KMT2E: variants seen among roughly 807,000 people sequenced by gnomAD.
KMT2E encodes lysine methyltransferase 2E (inactive), also known as histone reader KMT2E.
KMT2E carries 30 observed loss-of-function variants against 184.6 expected under a neutral mutation model. The ratio of observed to expected loss-of-function variants is 0.16; its 90% CI spans 0.12 to 0.22. The LOEUF (loss-of-function observed/expected upper bound fraction) is 0.22. Ranked by LOEUF, KMT2E falls within the 10% of genes least tolerant of loss-of-function variation. The pLI, the probability that KMT2E is intolerant of heterozygous loss-of-function variation, is 1.00. For missense variants in KMT2E, 2,023 were observed against 2,237.4 expected, an observed-to-expected ratio of 0.90 and a Z score of 1.93; for synonymous variants, 815 against 776.5, an observed-to-expected ratio of 1.05 and a Z score of -0.82.
At chr7:105,027,074 C>CTTTTTTT (rs34930855) in intron 1 of KMT2E, among the ~76,000 whole-genome samples, 6 of 81,908 alleles carry the variant, frequency 7.3e-5, no homozygotes, top group Non-Finnish European at 1.4e-4. Flanking sequence ...GCCCCGCCCT[C>CTTTTTTT]TTTTTTTTTT....
chr7:105,075,946 ACACTT>A (rs1388058048), intron 8 of KMT2E, 92 bp from the exon 9 acceptor site: 1 of 913,150 alleles, frequency 1.1e-6, no homozygotes, highest in Non-Finnish European at 1.7e-6. Context: ...TTTTGTTATG[ACACTT>A]CAGTTAAAAG....
chr7:105,092,467 T>C (rs1798245591), intron 15 of KMT2E, among the ~76,000 whole-genome samples: 1 of 152,196 alleles, frequency 6.6e-6, no homozygotes, highest in South Asian at 2.1e-4. Context: ...CCTTGATAGT[T>C]TTCTAATATT....
intron 6 of KMT2E, among the ~76,000 whole-genome samples, chr7:105,072,984 A>T (rs993937588): frequency 1.3e-5 from 2 of 152,152 alleles, no homozygotes; most frequent in African/African-American, 4.8e-5. Context: ...AATAGATTCA[A>T]TTCAGTGTCA....
At chr7:105,050,139 C>T (rs1796268546) in intron 3 of KMT2E, among the ~76,000 whole-genome samples, 1 of 152,174 alleles carries the variant, frequency 6.6e-6, no homozygotes, top group African/African-American at 2.4e-5. Flanking sequence ...GAGCAAAACT[C>T]CTTGAGAAAG....
chr7:105,069,403 A>G (rs1405936735), intron 6 of KMT2E, among the ~76,000 whole-genome samples: 1 of 152,250 alleles, frequency 6.6e-6, no homozygotes, highest in Non-Finnish European at 1.5e-5. Context: ...ACACAAGAAT[A>G]TAATAGTCTT....
chr7:105,047,301 G>C (rs1387813140), intron 3 of KMT2E, among the ~76,000 whole-genome samples: 1 of 152,228 alleles, frequency 6.6e-6, no homozygotes, highest in African/African-American at 2.4e-5. Context: ...GGCAGAGTAA[G>C]CTGCCCTTAT....
At chr7:105,043,785 A>T (rs1190241779) in intron 3 of KMT2E, among the ~76,000 whole-genome samples, 1 of 152,192 alleles carries the variant, frequency 6.6e-6, no homozygotes, top group Non-Finnish European at 1.5e-5. Flanking sequence ...ATTTTTAAGA[A>T]TAGAAATATT....
chr7:105,105,699 CTT>C lies in KMT2E; in HGVS notation c.2451+9_2451+10del. The C allele has an allele frequency of 3.1e-6, 5 of 1,592,860 alleles. No individual in the cohort carries two copies. Among genetic ancestry groups the C allele is most frequent in the Non-Finnish European group, 4.3e-6 (5 of 1,173,212 alleles). Reference sequence around the variant, plus strand: ...TTTCTGGTTCATGCAAGAAGGTAAACTTTTCTTTGGAAGTAAAAATGTAGAAT... The same window carrying C: ...TTTCTGGTTCATGCAAGAAGGTAAACTTCTTTGGAAGTAAAAATGTAGAAT... On this transcript the variant is annotated splice_region_variant and intron_variant, in intron 18 of 26. Coordinates refer to ENST00000311117, the MANE Select transcript of KMT2E (RefSeq NM_182931.3).
intron 3 of KMT2E, among the ~76,000 whole-genome samples, chr7:105,054,446 CTCTGTCTG>C (rs879904154): frequency 7.5e-4 from 81 of 107,590 alleles, no homozygotes; most frequent in African/African-American, 9.6e-4. Flanking sequence ...AAGCAAGTTG[CTCTGTCTG>C]TCTGTCTATC....
chr7:105,096,125 C>T (rs1798400164), intron 15 of KMT2E, among the ~76,000 whole-genome samples: 1 of 151,550 alleles, frequency 6.6e-6, no homozygotes, highest in Non-Finnish European at 1.5e-5. Flanking sequence ...CATGGTGGCA[C>T]ATGCCTATAA....
chr7:105,065,207 C>CAT (rs1796980819), intron 5 of KMT2E, among the ~76,000 whole-genome samples: 1 of 152,164 alleles, frequency 6.6e-6, no homozygotes, highest in Non-Finnish European at 1.5e-5. Context: ...CATGTTCCTA[C>CAT]TACTTATACT....
intron 1 of KMT2E, among the ~76,000 whole-genome samples, chr7:105,036,676 CATT>C (rs761668876): frequency 3.3e-5 from 5 of 152,178 alleles, no homozygotes; most frequent in East Asian, 1.9e-4. Context: ...AATTTGCTAT[CATT>C]ATTATTATAA....
Position 105,072,914 on chromosome 7 carries a change from C to CA in KMT2E, c.498-696dup, listed in dbSNP as rs1252053420. Reference sequence around the variant, plus strand: ...GGGCAATAAGAGCGAAACTCCATCTCAAAAAAAAAGCAGTATTTATTTCAA... The same window carrying CA: ...GGGCAATAAGAGCGAAACTCCATCTCAAAAAAAAAAGCAGTATTTATTTCAA... On this transcript the variant is annotated intron_variant, in intron 6 of 26. Coordinates refer to ENST00000311117, the MANE Select transcript of KMT2E (RefSeq NM_182931.3). 4.7e-3 allele frequency among the ~76,000 whole-genome samples: 691 copies of CA among 146,864 alleles called. 5 individuals are homozygous for CA. The highest frequency in any genetic ancestry group is 0.016 in the African/African-American group (655 of 39,940).
rs561735890 is a variant in KMT2E, at chr7:105,112,240, C to T, written c.4484C>T (p.Pro1495Leu). ...CAAGTTGGAACACCTCAGCGAGAGCCTCAAAGAAACTTTTATCCAGCAGCA... is the reference window on the plus strand; with the variant it reads ...CAAGTTGGAACACCTCAGCGAGAGCTTCAAAGAAACTTTTATCCAGCAGCA... ...SPQVGTPQRE[P>L]QRNFYPAAQN... Residue 1495 changes from proline to leucine, a missense_variant, in exon 27 of 27, where the codon CCT (proline) becomes CTT (leucine). This residue lies in a region of KMT2E where 1,108 missense variants were observed against 1,050.9 expected (regional missense o/e 1.05). Coordinates refer to ENST00000311117, the MANE Select transcript of KMT2E (RefSeq NM_182931.3). 11 of 1,614,140 alleles carry T rather than the reference C, an allele frequency of 6.8e-6. No individual in the cohort carries two copies. In the Admixed American group the frequency reaches 1.2e-4, roughly 17 times the overall value.
chr7:105,081,112 T>G (rs1231538631), intron 12 of KMT2E, among the ~76,000 whole-genome samples: 2 of 146,190 alleles, frequency 1.4e-5, no homozygotes, highest in Non-Finnish European at 3.0e-5. Context: ...CTGGGTGCGG[T>G]GGCTCACGCC....
At chr7:105,040,106 C>T (rs1015786451) in intron 2 of KMT2E, among the ~76,000 whole-genome samples, 4 of 151,990 alleles carry the variant, frequency 2.6e-5, no homozygotes, top group African/African-American at 9.7e-5. Flanking sequence ...CAACAGTATA[C>T]CTAGATTTAC....
chr7:105,070,491 G>A (rs550186011), intron 6 of KMT2E, among the ~76,000 whole-genome samples: 7 of 151,854 alleles, frequency 4.6e-5, no homozygotes, highest in South Asian at 2.1e-4. Flanking sequence ...AAAATTAGCC[G>A]GGCATGGTGG....
chr7:105,085,378 G>A (rs933692310), intron 13 of KMT2E, among the ~76,000 whole-genome samples: 4 of 152,002 alleles, frequency 2.6e-5, no homozygotes, highest in South Asian at 2.1e-4. Context: ...GCGAAACCCC[G>A]TCTCTACTAA....
At chr7:105,098,115 A>G (rs1041486914) in intron 15 of KMT2E, among the ~76,000 whole-genome samples, 4 of 152,170 alleles carry the variant, frequency 2.6e-5, no homozygotes, top group African/African-American at 9.6e-5. Context: ...TTATAAGTTT[A>G]TCTTTGTTAT....
Sources: gnomAD v4.1 joint callset for allele counts (sites outside exome capture counted in the v4.1 genomes callset) on GRCh38, gnomAD v4.1.1 for gene constraint, gnomAD v4.1.1 regional missense constraint, MANE v1.5 for transcripts, NCBI Gene and HGNC (gene_info 2026-07-23, HGNC 2026-07-21) for gene names.